The following ATP8A2 variants were observed in gnomAD, a reference collection of about 807,000 sequenced individuals.
The protein encoded by ATP8A2 is phospholipid-transporting ATPase IB.
ATP8A2 carries 100 observed loss-of-function variants against 165.6 expected under a neutral mutation model. The observed-to-expected ratio is 0.60, with a 90% CI of 0.51 to 0.71. The LOEUF (loss-of-function observed/expected upper bound fraction) is 0.71, where lower values mean the gene tolerates loss of function less well. Among genes scored for constraint, ATP8A2 ranks in the 30% least tolerant of loss-of-function variants. ATP8A2 has a pLI of 0.00. For missense variants in ATP8A2, 1,227 were observed against 1,479.5 expected (o/e 0.83, Z 2.80); for synonymous variants, 543 against 548.8 (o/e 0.99, Z 0.15).
intron 24 of ATP8A2, among the ~76,000 whole-genome samples, chr13:25,673,103 C>G (rs1285602598): frequency 6.6e-6 from 1 of 152,122 alleles, no homozygotes; most frequent in Admixed American, 6.6e-5. Context: ...TCACAGGACT[C>G]CCAGGCTAGC....
At chr13:25,973,768 G>A (rs1049372824) in intron 35 of ATP8A2, among the ~76,000 whole-genome samples, 3 of 152,350 alleles carry the variant, frequency 2.0e-5, no homozygotes, top group Non-Finnish European at 4.4e-5. Context: ...GAGCCAGCCT[G>A]AGGCAGGAGG....
At chr13:25,641,945 C>T (rs2041536184) in intron 24 of ATP8A2, among the ~76,000 whole-genome samples, 1 of 152,088 alleles carries the variant, frequency 6.6e-6, no homozygotes, top group African/African-American at 2.4e-5. Flanking sequence ...GAAATAATAC[C>T]ACACCTCTAC....
At chr13:25,508,244 A>T (rs1455986207) in intron 2 of ATP8A2, among the ~76,000 whole-genome samples, 1 of 152,206 alleles carries the variant, frequency 6.6e-6, no homozygotes, top group Non-Finnish European at 1.5e-5. Context: ...TTAGGTAGGA[A>T]CTTAGGAAAT....
chr13:25,890,183 A>C (rs972165583), intron 33 of ATP8A2, among the ~76,000 whole-genome samples: 5 of 151,876 alleles, frequency 3.3e-5, no homozygotes, highest in African/African-American at 1.2e-4. Context: ...AAGAAAAAAA[A>C]TTTTACCGTC....
At chr13:26,003,887 T>G (rs1956685734) in intron 35 of ATP8A2, among the ~76,000 whole-genome samples, 2 of 152,090 alleles carry the variant, frequency 1.3e-5, no homozygotes, top group South Asian at 2.1e-4. Flanking sequence ...GCATCTGTTT[T>G]TATGCCAGTA....
At chr13:25,740,328 AAG>A (rs1167809287) in intron 25 of ATP8A2, among the ~76,000 whole-genome samples, 10 of 151,636 alleles carry the variant, frequency 6.6e-5, no homozygotes, top group Admixed American at 5.2e-4. Flanking sequence ...AAAAAAAAAA[AAG>A]AGAAAGACAT....
chr13:25,976,493 T>C (rs1956040979), intron 35 of ATP8A2, among the ~76,000 whole-genome samples: 1 of 151,884 alleles, frequency 6.6e-6, no homozygotes, highest in Non-Finnish European at 1.5e-5. Context: ...TACATCTTTA[T>C]TAGAGAGACT....
At chr13:25,533,392 A>G in intron 6 of ATP8A2, 79 bp downstream of exon 6, 1 of 817,226 alleles carries the variant, frequency 1.2e-6, no homozygotes, top group Non-Finnish European at 2.0e-6. Context: ...ATTGCAGTAT[A>G]AAGTTTCTGT....
chr13:25,382,567 C>T (rs1180923593), intron 1 of ATP8A2, among the ~76,000 whole-genome samples: 1 of 152,142 alleles, frequency 6.6e-6, no homozygotes, highest in East Asian at 1.9e-4. Context: ...AATGAGAGTT[C>T]CTATTGCTCC....
At chr13:25,542,578 A>G (rs776696627) in intron 9 of ATP8A2, among the ~76,000 whole-genome samples, 22 of 151,998 alleles carry the variant, frequency 1.4e-4, no homozygotes, top group Non-Finnish European at 2.2e-4. Context: ...AGCAGTTTCT[A>G]CCTTCTGGCC....
chr13:25,400,039 C>T (rs997484064), intron 1 of ATP8A2, among the ~76,000 whole-genome samples: 1 of 30,374 alleles, frequency 3.3e-5, no homozygotes. Flanking sequence ...CCTCCCACCT[C>T]AGCCTCCCAA....
At chr13:25,697,046 C>T (rs1165354558) in intron 24 of ATP8A2, among the ~76,000 whole-genome samples, 4 of 152,146 alleles carry the variant, frequency 2.6e-5, no homozygotes, top group East Asian at 1.9e-4. Flanking sequence ...CGAAGTGAGC[C>T]GGTGCTGTTG....
At chr13:25,598,305 T>G (rs189804187) in intron 24 of ATP8A2, among the ~76,000 whole-genome samples, 6 of 152,336 alleles carry the variant, frequency 3.9e-5, no homozygotes, top group African/African-American at 1.4e-4. Flanking sequence ...CAACTTTATT[T>G]TTTTTAAAGA....
At chr13:25,962,385 G>A (rs1955678376) in intron 34 of ATP8A2, among the ~76,000 whole-genome samples, 1 of 152,166 alleles carries the variant, frequency 6.6e-6, no homozygotes, top group Admixed American at 6.5e-5. Context: ...GAGAAAACCA[G>A]TCATGAAGAT....
At chr13:25,430,512 C>T (rs1426720429) in intron 1 of ATP8A2, among the ~76,000 whole-genome samples, 1 of 152,028 alleles carries the variant, frequency 6.6e-6, no homozygotes, top group Non-Finnish European at 1.5e-5. Flanking sequence ...CCACTGTAGT[C>T]GACTGAGGAG....
chr13:26,011,284 T>C (rs3783146), intron 35 of ATP8A2, among the ~76,000 whole-genome samples: 17,960 of 152,220 alleles, frequency 0.12, 1,083 homozygotes, highest in Admixed American at 0.14. Flanking sequence ...GCGAGCACTC[T>C]CCTTGGCTTA....
intron 24 of ATP8A2, among the ~76,000 whole-genome samples, chr13:25,686,217 G>A (rs1186694690): frequency 6.6e-6 from 1 of 152,164 alleles, no homozygotes; most frequent in Non-Finnish European, 1.5e-5. Flanking sequence ...TGCCTGATTG[G>A]ACTACTGTTT....
chr13:25,981,016 G>A (rs1173060546), intron 35 of ATP8A2, among the ~76,000 whole-genome samples: 1 of 152,226 alleles, frequency 6.6e-6, no homozygotes, highest in Non-Finnish European at 1.5e-5. Context: ...CGTTAGCAAT[G>A]AGTTGATTTT....
chr13:25,469,110 CAACCAG>C lies in ATP8A2; in HGVS notation c.212_217del (p.Asn71_Gln72del). 6.2e-7 allele frequency: 1 copy of C among 1,613,958 alleles called. No homozygotes were observed. Among genetic ancestry groups the C allele is most frequent in the Non-Finnish European group, 8.5e-7 (1 of 1,179,876 alleles). On this transcript the variant is annotated inframe_deletion, in exon 2 of 37. Transcript: ENST00000381655. Reference sequence around the variant, plus strand: ...AACCGCATCTCAACAAATTCCGCGACAACCAGATCAGGTAGGAGAAGGCGGCCGGCT... The same window carrying C: ...AACCGCATCTCAACAAATTCCGCGACATCAGGTAGGAGAAGGCGGCCGGCT...
Sources: gnomAD v4.1 joint callset for allele counts (sites outside exome capture counted in the v4.1 genomes callset) on GRCh38, gnomAD v4.1.1 for gene constraint, MANE v1.5 for transcripts, NCBI Gene and HGNC (gene_info 2026-07-23, HGNC 2026-07-21) for gene names.